AUTS2: variants seen among roughly 807,000 people sequenced by gnomAD.
AUTS2 encodes the protein activator of transcription and developmental regulator AUTS2.
Under a neutral mutation model 112.4 loss-of-function variants are expected in AUTS2, and 17 were observed. That is an observed-to-expected ratio of 0.15 (90% confidence interval 0.10 to 0.23). The LOEUF (loss-of-function observed/expected upper bound fraction) is 0.23, where lower values mean the gene tolerates loss of function less well. Among genes scored for constraint, AUTS2 ranks in the 10% least tolerant of loss-of-function variants. AUTS2 has a pLI of 1.00. For missense variants in AUTS2, 1,510 were observed against 1,701.6 expected, an observed-to-expected ratio of 0.89 and a Z score of 1.98; for synonymous variants, 751 against 702.7, an observed-to-expected ratio of 1.07 and a Z score of -1.09.
At chr7:70,120,488 G>A (rs1805626541) in intron 3 of AUTS2, 1 of 152,120 alleles carries the variant, frequency 6.6e-6, no homozygotes, top group Non-Finnish European at 1.5e-5. Flanking sequence ...TCTTATCTAA[G>A]TTGTTAGCAA....
intron 2 of AUTS2, among the ~76,000 whole-genome samples, chr7:70,059,492 ATT>A (rs1802145064): frequency 1.3e-5 from 2 of 152,252 alleles, no homozygotes; most frequent in African/African-American, 4.8e-5. Context: ...AGATCTTAAC[ATT>A]CACATTGGTT....
At chr7:69,909,104 A>G (rs544270949) in intron 2 of AUTS2, among the ~76,000 whole-genome samples, 1 of 152,330 alleles carries the variant, frequency 6.6e-6, no homozygotes, top group Admixed American at 6.5e-5. Flanking sequence ...AAACTTGGGA[A>G]GAATCATAAA....
At chr7:70,676,795 T>G (rs536638775) in intron 5 of AUTS2, among the ~76,000 whole-genome samples, 61 of 152,128 alleles carry the variant, frequency 4.0e-4, no homozygotes, top group African/African-American at 1.4e-3. Flanking sequence ...AAGAATCACT[T>G]GAACCCAGGA....
At chr7:70,742,284 A>T (rs1788160622) in intron 6 of AUTS2, among the ~76,000 whole-genome samples, 1 of 152,164 alleles carries the variant, frequency 6.6e-6, no homozygotes, top group African/African-American at 2.4e-5. Context: ...CCATTTTCCA[A>T]AGTCTCCCCC....
intron 1 of AUTS2, among the ~76,000 whole-genome samples, chr7:69,682,406 A>G (rs1224677493): frequency 1.3e-5 from 2 of 150,588 alleles, no homozygotes; most frequent in African/African-American, 4.9e-5. Flanking sequence ...AGAATCTGGT[A>G]AGAACTCTTC....
intron 5 of AUTS2, among the ~76,000 whole-genome samples, chr7:70,651,940 C>T (rs1310765921): frequency 1.3e-5 from 2 of 152,126 alleles, no homozygotes; most frequent in African/African-American, 4.8e-5. Flanking sequence ...CAGACTTTGG[C>T]GCCTCCATTT....
At chr7:70,401,457 G>C (rs1182904056) in intron 4 of AUTS2, among the ~76,000 whole-genome samples, 1 of 152,186 alleles carries the variant, frequency 6.6e-6, no homozygotes, top group Non-Finnish European at 1.5e-5. Flanking sequence ...GACCAAGCTG[G>C]AGCTGACCAC....
intron 5 of AUTS2, among the ~76,000 whole-genome samples, chr7:70,504,577 G>C (rs939081627): frequency 1.3e-5 from 2 of 152,224 alleles, no homozygotes; most frequent in Non-Finnish European, 2.9e-5. Context: ...CCGAGGAGCA[G>C]TAGCTGTCCC....
intron 4 of AUTS2, among the ~76,000 whole-genome samples, chr7:70,416,429 G>A (rs1191249417): frequency 6.6e-6 from 1 of 152,206 alleles, no homozygotes; most frequent in Non-Finnish European, 1.5e-5. Context: ...GGTGAGAACA[G>A]GCAGCTTGCT....
chr7:69,669,254 A>T (rs75370337), intron 1 of AUTS2, among the ~76,000 whole-genome samples: 2,941 of 152,186 alleles, frequency 0.019, 92 homozygotes, highest in African/African-American at 0.064. Flanking sequence ...GTATCTTCCC[A>T]GTGTTTTGGG....
At chr7:69,920,269 T>C (rs1165867484) in intron 2 of AUTS2, among the ~76,000 whole-genome samples, 1 of 152,050 alleles carries the variant, frequency 6.6e-6, no homozygotes, top group Non-Finnish European at 1.5e-5. Context: ...TCCTCTCCTC[T>C]CCTCTCCTGT....
chr7:70,605,298 C>CGTT (rs1803672119), intron 5 of AUTS2, among the ~76,000 whole-genome samples: 1 of 152,114 alleles, frequency 6.6e-6, no homozygotes, highest in Non-Finnish European at 1.5e-5. Context: ...GTTGGCTAAC[C>CGTT]ACCTACTGCT....
Position 70,145,120 on chromosome 7 carries a change from C to T in AUTS2, c.660+10549C>T, listed in dbSNP as rs551278943. Among the ~76,000 whole-genome samples the T allele has an allele frequency of 3.9e-5, 6 of 152,156 alleles. No individual in the cohort carries two copies. The South Asian group carries it at 8.3e-4, about 21-fold the overall frequency. ...TCATTGCTCTTCTTGTAATGCCCCACGATTTGATTTACGCTGGCTGAGTAT... is the reference window on the plus strand; with the variant it reads ...TCATTGCTCTTCTTGTAATGCCCCATGATTTGATTTACGCTGGCTGAGTAT... On this transcript the variant is annotated intron_variant, in intron 4 of 18. Coordinates refer to ENST00000342771, the MANE Select transcript of AUTS2 (RefSeq NM_015570.4).
intron 1 of AUTS2, among the ~76,000 whole-genome samples, chr7:69,871,423 C>T (rs1028370889): frequency 1.3e-5 from 2 of 152,092 alleles, no homozygotes; most frequent in African/African-American, 4.8e-5. Flanking sequence ...TAGTGGATGC[C>T]GGAAACCACA....
Position 70,358,563 on chromosome 7 carries a change from T to G in AUTS2, c.661-77189T>G, listed in dbSNP as rs117853974. Among the ~76,000 whole-genome samples, 1,041 of 152,298 alleles carry G rather than the reference T, an allele frequency of 6.8e-3. 41 individuals carry two copies. Among genetic ancestry groups the G allele is most frequent in the Admixed American group, 0.049 (754 of 15,300 alleles). Reference sequence around the variant, plus strand: ...ATGGCCTGCCCTTGGGAGGATGGCTTCCAGGGTAGGAACCTGCCTATGCAG... The same window carrying G: ...ATGGCCTGCCCTTGGGAGGATGGCTGCCAGGGTAGGAACCTGCCTATGCAG... On this transcript the variant is annotated intron_variant, in intron 4 of 18. Transcript: ENST00000342771.
chr7:70,235,639 T>C (rs750787505), intron 4 of AUTS2, among the ~76,000 whole-genome samples: 1 of 152,062 alleles, frequency 6.6e-6, no homozygotes, highest in Admixed American at 6.6e-5. Context: ...CCCTGTGTTT[T>C]TCTTTTTTCT....
chr7:69,717,599 T>A lies in AUTS2; in HGVS notation c.309+117637T>A, dbSNP rs181002946. Among the ~76,000 whole-genome samples the A allele has an allele frequency of 2.3e-3, 353 of 152,102 alleles. 1 individual carries two copies. Among genetic ancestry groups the A allele is most frequent in the African/African-American group, 7.0e-3 (289 of 41,486 alleles). On this transcript the variant is annotated intron_variant, in intron 1 of 18. Coordinates refer to ENST00000342771, the MANE Select transcript of AUTS2 (RefSeq NM_015570.4). ...GGGTGCAGAATGAAAGGAAAAAAAA[T>A]TTTTTTTGAAGTATCCTGCTTCAGG...
chr7:70,511,818 C>T (rs916624866), intron 5 of AUTS2, among the ~76,000 whole-genome samples: 8 of 151,958 alleles, frequency 5.3e-5, no homozygotes, highest in African/African-American at 9.7e-5. Flanking sequence ...TCAAGTGATC[C>T]GCCTTGCCTT....
At chr7:70,329,130 A>G (rs558825696) in intron 4 of AUTS2, among the ~76,000 whole-genome samples, 26 of 152,338 alleles carry the variant, frequency 1.7e-4, no homozygotes, top group South Asian at 1.0e-3. Flanking sequence ...TTATAGCTGA[A>G]TAATACTCCA....
Sources: gnomAD v4.1 joint callset for allele counts (sites outside exome capture counted in the v4.1 genomes callset) on GRCh38, gnomAD v4.1.1 for gene constraint, MANE v1.5 for transcripts, NCBI Gene and HGNC (gene_info 2026-07-23, HGNC 2026-07-21) for gene names.